CRACD: variants seen among roughly 807,000 people sequenced by gnomAD.
The protein encoded by CRACD is capping protein inhibiting regulator of actin dynamics, also known as capping protein-inhibiting regulator of actin dynamics.
A neutral mutation model predicts 106.8 loss-of-function variants in CRACD; 56 were observed. That is an observed-to-expected ratio of 0.52 (90% CI 0.42 to 0.66). CRACD has a LOEUF of 0.66. Among genes scored for constraint, CRACD ranks in the 30% least tolerant of loss-of-function variants. The pLI is 0.00. For synonymous variants in CRACD, 754 were observed against 670.8 expected (o/e 1.12, Z -1.92); for missense variants, 1,730 against 1,623.2 (o/e 1.07, Z -1.13).
At chr4:56,049,707 C>T (rs1472735672) in intron 1 of CRACD, 3 of 152,480 alleles carry the variant, frequency 2.0e-5, no homozygotes, top group Non-Finnish European at 4.4e-5. Flanking sequence ...GGACGCCGTC[C>T]GGGCTCAGCC....
At chr4:56,295,590 T>C (rs532974920) in intron 3 of CRACD, among the ~76,000 whole-genome samples, 1 of 148,430 alleles carries the variant, frequency 6.7e-6, no homozygotes, top group South Asian at 2.1e-4. Context: ...CAAGGTTGAC[T>C]TAGAAACTGG....
chr4:56,213,858 T>C (rs1468551622), intron 2 of CRACD, among the ~76,000 whole-genome samples: 1 of 152,220 alleles, frequency 6.6e-6, no homozygotes, highest in Non-Finnish European at 1.5e-5. Context: ...ATTTAAAATA[T>C]GTAAGGAGGC....
Position 56,314,704 on chromosome 4 carries a change from T to TG in CRACD, c.1207dup (p.Glu403GlyfsTer19). 6.4e-7 allele frequency: 1 copy of TG among 1,557,788 alleles called. No individual in the cohort carries two copies. On this transcript the variant is annotated frameshift_variant, in exon 8 of 11. Transcript: ENST00000682029. LOFTEE classifies it high-confidence loss of function. This position sits in a 1 kb window ranked among gnomAD's most constrained non-coding sequence, Gnocchi z 4.4. ...CGGCGGGGCGCGGAGGAGGAGGATCTGGGGGAAGAGGAGGAGGAGGGCCAG... is the reference window on the plus strand; with the variant it reads ...CGGCGGGGCGCGGAGGAGGAGGATCTGGGGGGAAGAGGAGGAGGAGGGCCAG...
intron 1 of CRACD, among the ~76,000 whole-genome samples, chr4:56,102,197 C>G (rs1733794257): frequency 6.6e-6 from 1 of 152,222 alleles, no homozygotes; most frequent in Non-Finnish European, 1.5e-5. Context: ...TACACTCCCA[C>G]TTCATAGAAT....
chr4:56,075,716 T>C lies in CRACD; in HGVS notation c.-336+26417T>C, dbSNP rs543555073. Among the ~76,000 whole-genome samples the C allele has an allele frequency of 3.3e-5, 5 of 152,310 alleles. No homozygotes were observed. The South Asian group carries it at 1.0e-3, about 32-fold the overall frequency. Reference sequence around the variant, plus strand: ...TTCTGGACATTTTATATAAATGGCATCGTATAATATCTAAATATGAGGTCT... The same window carrying C: ...TTCTGGACATTTTATATAAATGGCACCGTATAATATCTAAATATGAGGTCT... On this transcript the variant is annotated intron_variant, in intron 1 of 10. Transcript: ENST00000682029.
At chr4:56,059,842 C>G (rs1732212118) in intron 1 of CRACD, among the ~76,000 whole-genome samples, 1 of 152,146 alleles carries the variant, frequency 6.6e-6, no homozygotes, top group Non-Finnish European at 1.5e-5. Flanking sequence ...CGCCACCACA[C>G]CTGGCTAATT....
rs576897549 is a variant in CRACD at position 56,136,676 on chromosome 4, A to G, written c.-335-42608A>G. 4.6e-5 allele frequency among the ~76,000 whole-genome samples: 7 copies of G among 152,316 alleles called. No homozygotes were observed. The South Asian group carries it at 1.2e-3, about 27-fold the overall frequency. On this transcript the variant is annotated intron_variant, in intron 1 of 10. Transcript: ENST00000682029. ...GCATTTATTGGAAAGATATTTTACAAATATTAATATTTTCTCCCACCTTCT... is the reference window on the plus strand; with the variant it reads ...GCATTTATTGGAAAGATATTTTACAGATATTAATATTTTCTCCCACCTTCT...
chr4:56,191,703 C>T (rs1737375876), intron 2 of CRACD, among the ~76,000 whole-genome samples: 1 of 152,206 alleles, frequency 6.6e-6, no homozygotes, highest in Non-Finnish European at 1.5e-5. Context: ...CGTTTGCCTC[C>T]ATTCTGAGAC....
chr4:56,151,020 G>A (rs1002410197), intron 1 of CRACD, among the ~76,000 whole-genome samples: 2 of 152,102 alleles, frequency 1.3e-5, no homozygotes, highest in Non-Finnish European at 2.9e-5. Flanking sequence ...TTTTAGAGAC[G>A]AAGTGTCGCT....
chr4:56,298,499 G>A, intron 4 of CRACD, 150 bp downstream of exon 4: 1 of 935,626 alleles, frequency 1.1e-6, no homozygotes, highest in Non-Finnish European at 1.6e-6. Flanking sequence ...GAATTCAACT[G>A]TATTCTCTGG....
At chr4:56,186,198 T>A (rs1405165639) in intron 2 of CRACD, among the ~76,000 whole-genome samples, 4 of 152,142 alleles carry the variant, frequency 2.6e-5, no homozygotes, top group Non-Finnish European at 5.9e-5. Flanking sequence ...CTAAATCCTT[T>A]TGTGATGGTA....
intron 3 of CRACD, among the ~76,000 whole-genome samples, chr4:56,286,041 G>T (rs1413247641): frequency 6.6e-6 from 1 of 152,102 alleles, no homozygotes; most frequent in Non-Finnish European, 1.5e-5. Flanking sequence ...TTATCTGGGA[G>T]GATTTTGGCA....
chr4:56,126,007 G>A (rs1320184105), intron 1 of CRACD, among the ~76,000 whole-genome samples: 1 of 151,812 alleles, frequency 6.6e-6, no homozygotes, highest in Non-Finnish European at 1.5e-5. Context: ...CCTGAACTCA[G>A]GTGATCTGCT....
At chr4:56,180,788 C>A (rs1479002) in intron 2 of CRACD, among the ~76,000 whole-genome samples, 75,935 of 151,972 alleles carry the variant, frequency 0.5, 20,632 homozygotes, top group African/African-American at 0.7. Flanking sequence ...TTGTAAGATG[C>A]ATGTTACCTC....
In CRACD at chr4:56,172,020, C is replaced by CTTTTTTT. The variant is rs35574683; in HGVS notation, c.-335-7255_-335-7249dup. On this transcript the variant is annotated intron_variant, in intron 1 of 10. Coordinates refer to ENST00000682029, the MANE Select transcript of CRACD (RefSeq NM_001393381.1). ...GTGGAGGTATCTTTTGAGGGTTTCT[C>CTTTTTTT]TTTTTTTTTTTTTTTCAACTTTACA... is the stretch of plus-strand genomic sequence containing the variant. Among the ~76,000 whole-genome samples, 195 of 106,386 alleles carry CTTTTTTT rather than the reference C, an allele frequency of 1.8e-3. 5 individuals carry two copies. Among genetic ancestry groups the CTTTTTTT allele is most frequent in the African/African-American group, 6.6e-3 (186 of 28,376 alleles). 69.8% of individuals were successfully genotyped at this position (106,386 alleles called of 152,430 possible).
In CRACD at chr4:56,314,752, G is replaced by T. The variant is rs185302995; in HGVS notation, c.1250G>T (p.Gly417Val). ...EGQAHLEDWR[G>V]QLSELLNDFE... ...CAGGCGCACCTGGAGGACTGGAGGG[G>T]GCAGCTCAGTGAGCTTCTGAACGAC... is the stretch of plus-strand genomic sequence containing the variant. The change falls in exon 8 of 11, where the codon GGG becomes GTG. Residue 417 changes from glycine to valine, a missense_variant. Physicochemically the swap from Gly to Val is moderately radical, Grantham distance 109. Transcript: ENST00000682029. The surrounding 1 kb of genome is among the most constrained non-coding windows in gnomAD (Gnocchi z 4.4). 1.1e-5 allele frequency: 18 copies of T among 1,587,194 alleles called. No homozygotes were observed. In the Admixed American group the frequency reaches 3.2e-4, roughly 28 times the overall value.
intron 1 of CRACD, among the ~76,000 whole-genome samples, chr4:56,131,133 A>G (rs1363058823): frequency 2.0e-5 from 3 of 152,208 alleles, no homozygotes; most frequent in African/African-American, 7.2e-5. Flanking sequence ...TTAAATCAAT[A>G]TACTGCTATT....
At chr4:56,199,154 C>T (rs1254556958) in intron 2 of CRACD, among the ~76,000 whole-genome samples, 1 of 152,124 alleles carries the variant, frequency 6.6e-6, no homozygotes, top group Non-Finnish European at 1.5e-5. Context: ...TCCTGAGTTA[C>T]ACTGCCGTGG....
At chr4:56,124,700 C>T (rs1734603494) in intron 1 of CRACD, among the ~76,000 whole-genome samples, 1 of 152,006 alleles carries the variant, frequency 6.6e-6, no homozygotes, top group African/African-American at 2.4e-5. Flanking sequence ...ATAAACATTG[C>T]CTCTCTTTTT....
Sources: allele counts gnomAD v4.1 joint callset (sites outside exome capture counted in the v4.1 genomes callset), GRCh38; gene constraint gnomAD v4.1.1; non-coding constraint Gnocchi (gnomAD v3.1); transcripts MANE v1.5; gene names NCBI Gene and HGNC (gene_info 2026-07-23, HGNC 2026-07-21).